The following KHDRBS2 variants were observed in gnomAD, a reference collection of about 807,000 sequenced individuals.
KHDRBS2 encodes KH domain-containing, RNA-binding, signal transduction-associated protein 2.
In KHDRBS2, 26 loss-of-function variants were observed where a neutral mutation model predicts 44.3. The ratio of observed to expected loss-of-function variants is 0.59; its 90% CI spans 0.43 to 0.81. The LOEUF is 0.81. Ranked by LOEUF, KHDRBS2 falls within the 40% of genes least tolerant of loss-of-function variation. KHDRBS2 has a pLI of 0.00. For missense variants in KHDRBS2, 476 were observed against 433.1 expected (o/e 1.10, Z -0.88); for synonymous variants, 194 against 151.1 (o/e 1.28, Z -2.08).
At chr6:62,136,816 C>T (rs181890124) in intron 2 of KHDRBS2, among the ~76,000 whole-genome samples, 1 of 152,104 alleles carries the variant, frequency 6.6e-6, no homozygotes, top group South Asian at 2.1e-4. Context: ...CATACTTTTC[C>T]CTGAAGCAAA....
intron 1 of KHDRBS2, among the ~76,000 whole-genome samples, chr6:62,266,405 A>T (rs1166596629): frequency 1.3e-5 from 2 of 151,982 alleles, no homozygotes; most frequent in Non-Finnish European, 1.5e-5. Context: ...AGCTGCTCTC[A>T]ATCTAAGGCT....
chr6:62,231,714 C>T (rs1004976225), intron 1 of KHDRBS2, among the ~76,000 whole-genome samples: 3 of 152,158 alleles, frequency 2.0e-5, no homozygotes, highest in Non-Finnish European at 4.4e-5. Flanking sequence ...GTTTGCACTA[C>T]AGTTTAATTT....
intron 6 of KHDRBS2, among the ~76,000 whole-genome samples, chr6:61,886,082 C>A (rs1800913704): frequency 6.6e-6 from 1 of 152,060 alleles, no homozygotes; most frequent in Admixed American, 6.6e-5. Flanking sequence ...ATTGTTAATT[C>A]CCTAAATCTT....
At chr6:61,821,685 T>A (rs1480395478) in intron 6 of KHDRBS2, among the ~76,000 whole-genome samples, 1 of 151,230 alleles carries the variant, frequency 6.6e-6, no homozygotes. Context: ...TGCAATAAAG[T>A]TTTTTTTTCC....
chr6:62,071,072 C>A (rs1255090706), intron 2 of KHDRBS2, among the ~76,000 whole-genome samples: 1 of 152,164 alleles, frequency 6.6e-6, no homozygotes, highest in Non-Finnish European at 1.5e-5. Flanking sequence ...TTTTGATTTG[C>A]ATTTCTCTGA....
At chr6:61,816,666 G>A (rs967829496) in intron 6 of KHDRBS2, 2 of 436,102 alleles carry the variant, frequency 4.6e-6, no homozygotes, top group Admixed American at 2.5e-5. Context: ...AGCGTTATCT[G>A]TTTTGAAAAT....
At chr6:61,867,391 C>T (rs1458047085) in intron 6 of KHDRBS2, among the ~76,000 whole-genome samples, 1 of 152,158 alleles carries the variant, frequency 6.6e-6, no homozygotes, top group Non-Finnish European at 1.5e-5. Context: ...CCTTCCACAA[C>T]ATGTGGGAAT....
intron 2 of KHDRBS2, among the ~76,000 whole-genome samples, chr6:62,160,497 A>C (rs1208326588): frequency 1.3e-5 from 2 of 152,162 alleles, no homozygotes; most frequent in African/African-American, 4.8e-5. Context: ...GGTAATGGGC[A>C]GTTAGCTCTT....
At chr6:62,264,488 T>C (rs141887278) in intron 1 of KHDRBS2, among the ~76,000 whole-genome samples, 3 of 151,970 alleles carry the variant, frequency 2.0e-5, no homozygotes, top group African/African-American at 4.8e-5. Context: ...CAAATTCAAC[T>C]TGGTGACTTT....
At chr6:61,556,867 T>A in the KHDRBS2 span, among the ~76,000 whole-genome samples, 5 of 138,498 alleles carry the variant, frequency 3.6e-5, no homozygotes, top group South Asian at 1.2e-3. Context: ...GTAAGTGAAA[T>A]TGAGATTTTT....
At chr6:62,184,993 C>T (rs906717921) in intron 1 of KHDRBS2, among the ~76,000 whole-genome samples, 38 of 151,956 alleles carry the variant, frequency 2.5e-4, no homozygotes, top group African/African-American at 8.9e-4. Flanking sequence ...AATCTGGGTG[C>T]TAAAATATCT....
intron 2 of KHDRBS2, among the ~76,000 whole-genome samples, chr6:62,115,430 GT>G (rs1805992212): frequency 1.3e-5 from 2 of 152,166 alleles, no homozygotes; most frequent in African/African-American, 4.8e-5. Context: ...GAGAGATAAA[GT>G]TAATTTTTCC....
At chr6:62,112,803 A>G (rs141942030) in intron 2 of KHDRBS2, among the ~76,000 whole-genome samples, 94 of 152,258 alleles carry the variant, frequency 6.2e-4, no homozygotes, top group African/African-American at 2.2e-3. Context: ...GTGCGATATA[A>G]TATTGTTAGA....
At chr6:61,982,413 T>A (rs577343603) in intron 3 of KHDRBS2, among the ~76,000 whole-genome samples, 1 of 152,204 alleles carries the variant, frequency 6.6e-6, no homozygotes, top group East Asian at 1.9e-4. Context: ...GGCTCACGCC[T>A]GTAATCTCAG....
intron 4 of KHDRBS2, among the ~76,000 whole-genome samples, chr6:61,954,114 C>T (rs1421229186): frequency 6.6e-6 from 1 of 152,062 alleles, no homozygotes; most frequent in Non-Finnish European, 1.5e-5. Context: ...CTCAGAGTGC[C>T]ACAAGGCATA....
chr6:61,903,690 G>A (rs1644693002), intron 4 of KHDRBS2, among the ~76,000 whole-genome samples: 1 of 152,100 alleles, frequency 6.6e-6, no homozygotes, highest in South Asian at 2.1e-4. Flanking sequence ...ATTTGCCTTA[G>A]CTAAAACATC....
chr6:61,648,227 C>T, the KHDRBS2 span, among the ~76,000 whole-genome samples: 2 of 151,930 alleles, frequency 1.3e-5, no homozygotes, highest in Non-Finnish European at 2.9e-5. Flanking sequence ...AGGTGCCTTG[C>T]TAATTGCTTG....
chr6:62,205,664 G>A (rs1054757612), intron 1 of KHDRBS2, among the ~76,000 whole-genome samples: 1 of 152,058 alleles, frequency 6.6e-6, no homozygotes, highest in African/African-American at 2.4e-5. Flanking sequence ...GATGCAGGGT[G>A]AGGCAAAAAT....
chr6:61,975,703 G>A (rs1772478302), intron 4 of KHDRBS2, among the ~76,000 whole-genome samples: 1 of 147,184 alleles, frequency 6.8e-6, no homozygotes, highest in South Asian at 2.2e-4. Context: ...AACATCTGAA[G>A]GTGATAGGAG....
Sources: allele counts gnomAD v4.1 joint callset (sites outside exome capture counted in the v4.1 genomes callset), GRCh38; gene constraint gnomAD v4.1.1; transcripts MANE v1.5; gene names NCBI Gene and HGNC (gene_info 2026-07-23, HGNC 2026-07-21).